Variants in ZNF493 observed in about 807,000 individuals in gnomAD.
ZNF493 encodes the protein zinc finger protein 493.
Under a neutral mutation model 12.2 loss-of-function variants are expected in ZNF493, and 11 were observed. The observed-to-expected ratio is 0.90, with a 90% CI of 0.57 to 1.50. The LOEUF is 1.50. ZNF493 is among the 40% of genes most tolerant of loss of function. The pLI is 0.00. For synonymous variants in ZNF493, 286 were observed against 302.6 expected (o/e 0.95, Z 0.57); for missense variants, 950 against 906.6 (o/e 1.05, Z -0.61).
rs751162036 is a variant in ZNF493 at position 21,405,168 on chromosome 19, C to A, written c.70C>A (p.Leu24Met). The A allele has an allele frequency of 6.2e-7, 1 of 1,613,824 alleles. No individual in the cohort carries two copies. Among genetic ancestry groups the A allele is most frequent in the East Asian group, 2.2e-5 (1 of 44,882 alleles). Residue 24 changes from leucine (L) to methionine (M), a missense_variant, in exon 2 of 4, where the codon CTG becomes ATG. Transcript: ENST00000392288. ...TFRDVAIEFSLEEWQCLDTAQ... is the reference protein window; with the variant it reads ...TFRDVAIEFSMEEWQCLDTAQ... The stretch of plus-strand genomic sequence containing the variant: ...TAGGGATGTGGCCATAGAATTCTCT[C>A]TGGAGGAGTGGCAATGCCTGGACAC...
chr19:21,411,900 T>C (rs2030338818), intron 3 of ZNF493: 1 of 152,012 alleles, frequency 6.6e-6, no homozygotes, highest in Admixed American at 6.6e-5. Context: ...TTGCATTAAA[T>C]CTGTAGATTA....
In ZNF493 at chr19:21,423,405, A is replaced by C; in HGVS notation, c.746A>C (p.Asp249Ala). Residue 249 changes from aspartate to alanine, a missense_variant, in exon 4 of 4, where the codon GAC becomes GCC. By Grantham distance (126) the Asp-to-Ala change is moderately radical. Transcript: ENST00000392288. The stretch of plus-strand genomic sequence containing the variant: ...GAATGTGGCAAATCTTTTAACCAGG[A>C]CTCAAACCTTACTACACATAAGAGA... ...KYECGKSFNQ[D>A]SNLTTHKRIH... 6.2e-7 allele frequency: 1 copy of C among 1,613,576 alleles called. No individual in the cohort carries two copies.
chr19:21,417,632 A>G (rs1043218888), intron 3 of ZNF493, among the ~76,000 whole-genome samples: 5 of 152,180 alleles, frequency 3.3e-5, no homozygotes, highest in African/African-American at 1.2e-4. Context: ...GCTGTAATAC[A>G]CACTCCTGTA....
At position 21,423,511 on chromosome 19, in the gene ZNF493, G is replaced by A; in HGVS notation, c.852G>A (p.Lys284=). Reference sequence around the variant, plus strand: ...AATTCTCATACCTTACTAGGCATAAGCTAATTCATACTAGAGAGAAACCCT... The same window carrying A: ...AATTCTCATACCTTACTAGGCATAAACTAATTCATACTAGAGAGAAACCCT... ...FYQFSYLTRH[K]LIHTREKPYK... The change falls in exon 4 of 4, where the codon AAG becomes AAA. Residue 284 remains lysine, a synonymous_variant. Coordinates refer to ENST00000392288, the MANE Select transcript of ZNF493 (RefSeq NM_001076678.3). 6.2e-7 allele frequency: 1 copy of A among 1,613,616 alleles called. No individual in the cohort carries two copies. The highest frequency in any genetic ancestry group is 8.5e-7 in the Non-Finnish European group (1 of 1,179,828).
chr19:21,422,171 G>A (rs771739091), intron 3 of ZNF493, among the ~76,000 whole-genome samples: 5 of 152,022 alleles, frequency 3.3e-5, no homozygotes, highest in Non-Finnish European at 5.9e-5. Context: ...TTAATACTCA[G>A]TAATCACTTG....
intron 3 of ZNF493, among the ~76,000 whole-genome samples, chr19:21,406,303 G>T (rs2030124494): frequency 6.6e-6 from 1 of 151,458 alleles, no homozygotes; most frequent in African/African-American, 2.4e-5. Context: ...GGGAAGCTAT[G>T]TTCCAAAGCA....
At chr19:21,413,524 C>T (rs1599374471) in intron 3 of ZNF493, 4 of 402,312 alleles carry the variant, frequency 9.9e-6, no homozygotes, top group East Asian at 3.5e-5. Context: ...TGGCTGTGTT[C>T]GACGTGTGTT....
chr19:21,419,751 A>G (rs368795787), intron 3 of ZNF493, among the ~76,000 whole-genome samples: 4 of 152,316 alleles, frequency 2.6e-5, no homozygotes, highest in South Asian at 2.1e-4. Context: ...AGTATTAACC[A>G]TCATAGGCCT....
At chr19:21,401,865 C>T (rs1038543995) in intron 1 of ZNF493, among the ~76,000 whole-genome samples, 16 of 152,182 alleles carry the variant, frequency 1.1e-4, no homozygotes, top group South Asian at 2.1e-4. Flanking sequence ...CTTCTGACCT[C>T]GTGATCCACT....
intron 3 of ZNF493, among the ~76,000 whole-genome samples, chr19:21,422,079 C>T (rs950952382): frequency 2.0e-5 from 3 of 152,054 alleles, no homozygotes; most frequent in African/African-American, 4.8e-5. Context: ...CTCTTGAACT[C>T]GTGATCCACC....
At chr19:21,405,601 T>C in intron 2 of ZNF493, 160 bp from the exon 3 acceptor site, 1 of 1,104,212 alleles carries the variant, frequency 9.1e-7, no homozygotes, top group Non-Finnish European at 1.2e-6. Flanking sequence ...ACCTACAAAT[T>C]TAAAATATTT....
chr19:21,421,573 C>G (rs1312953779), intron 3 of ZNF493, among the ~76,000 whole-genome samples: 1 of 152,086 alleles, frequency 6.6e-6, no homozygotes, highest in Non-Finnish European at 1.5e-5. Flanking sequence ...CCATGTTGAT[C>G]AGGCTGGTGT....
At position 21,403,925 on chromosome 19, in the gene ZNF493, G is replaced by C. The variant is rs1200178994; in HGVS notation, c.31-1204G>C. ...AATTCTTAAAATGAATTTATAATCT[G>C]CACTACTTAAAATGTTCCCTTTGTT... On this transcript the variant is annotated intron_variant, in intron 1 of 3. Coordinates refer to ENST00000392288, the MANE Select transcript of ZNF493 (RefSeq NM_001076678.3). 2.0e-5 allele frequency among the ~76,000 whole-genome samples: 3 copies of C among 152,082 alleles called. No homozygotes were observed. The East Asian group carries it at 5.8e-4, about 29-fold the overall frequency.
chr19:21,401,944 C>T (rs564672648), intron 1 of ZNF493, among the ~76,000 whole-genome samples: 1 of 149,076 alleles, frequency 6.7e-6, no homozygotes, highest in African/African-American at 2.5e-5. Context: ...ATTTATTTAT[C>T]TACTTATTTA....
At chr19:21,418,181 C>G (rs1404917266) in intron 3 of ZNF493, among the ~76,000 whole-genome samples, 1 of 152,112 alleles carries the variant, frequency 6.6e-6, no homozygotes, top group Non-Finnish European at 1.5e-5. Context: ...GAGGGTCAGG[C>G]CACTCTTTTT....
chr19:21,418,567 A>G (rs2145299623), intron 3 of ZNF493, among the ~76,000 whole-genome samples: 1 of 152,318 alleles, frequency 6.6e-6, no homozygotes, highest in Admixed American at 6.5e-5. Flanking sequence ...ACCCTAACCC[A>G]GCGGCACTAG....
rs1346036708 is a variant in ZNF493, at chr19:21,425,918, A to G, written c.*934A>G. ...AACTTTATTGAACAAAATAATTCAT[A>G]CAGGAGAGAAACCCTACAAATGTGA... On this transcript the variant is annotated 3_prime_UTR_variant, in exon 4 of 4. Coordinates refer to ENST00000392288, the MANE Select transcript of ZNF493 (RefSeq NM_001076678.3). The G allele has an allele frequency of 3.1e-6, 2 of 649,912 alleles. No individual in the cohort carries two copies. The highest frequency in any genetic ancestry group is 9.7e-5 in the East Asian group (2 of 20,680). 40.3% of individuals were successfully genotyped at this position (649,912 alleles called of 1,614,324 possible).
rs2030285344 is a variant in ZNF493, at chr19:21,410,402, A to C, written c.253+4546A>C. Among the ~76,000 whole-genome samples the C allele has an allele frequency of 2.0e-5, 3 of 152,068 alleles. No individual in the cohort carries two copies. The South Asian group carries it at 6.2e-4, about 32-fold the overall frequency. On this transcript the variant is annotated intron_variant, in intron 3 of 3. Transcript: ENST00000392288. ...CTTAAAATTTTATAGTGGCCATTGT[A>C]ATGGGTGTGAGGCAATTTTTTCATT...
intron 3 of ZNF493, 37 bp from the exon 4 acceptor site, chr19:21,422,876 A>G: frequency 6.7e-7 from 1 of 1,495,010 alleles, no homozygotes; most frequent in Non-Finnish European, 8.9e-7. Context: ...ATCTGAGTCT[A>G]GTAAGTGGAG....
Sources: gnomAD v4.1 joint callset for allele counts (sites outside exome capture counted in the v4.1 genomes callset) on GRCh38, gnomAD v4.1.1 for gene constraint, MANE v1.5 for transcripts, NCBI Gene and HGNC (gene_info 2026-07-23, HGNC 2026-07-21) for gene names.